GPSM1: variants seen among roughly 807,000 people sequenced by gnomAD.
GPSM1 encodes the protein G protein-signaling modulator 1.
In GPSM1, 48 loss-of-function variants were observed where a neutral mutation model predicts 70.5. The observed-to-expected ratio is 0.68, with a 90% CI of 0.54 to 0.87. The LOEUF (loss-of-function observed/expected upper bound fraction) is 0.87. Ranked by LOEUF, GPSM1 falls within the 40% of genes least tolerant of loss-of-function variation. The pLI is 0.00. For missense variants in GPSM1, 981 were observed against 972.6 expected, an observed-to-expected ratio of 1.01 and a Z score of -0.11; for synonymous variants, 416 against 430.1, an observed-to-expected ratio of 0.97 and a Z score of 0.41.
In GPSM1 at chr9:136,335,962, C is replaced by G; in HGVS notation, c.291-4C>G. The G allele has an allele frequency of 1.2e-6, 2 of 1,612,146 alleles. No individual in the cohort carries two copies. The highest frequency in any genetic ancestry group is 1.7e-6 in the Non-Finnish European group (2 of 1,179,750). ...CTGACCCCTCACTCCTCCCTGCCAT[C>G]CAGGACCATCGGTGACCGCATGGGG... is the stretch of plus-strand genomic sequence containing the variant. On this transcript the variant is annotated splice_polypyrimidine_tract_variant and splice_region_variant and intron_variant, in intron 2 of 13. Coordinates refer to ENST00000440944, the MANE Select transcript of GPSM1 (RefSeq NM_001145638.3).
Position 136,337,428 on chromosome 9 carries a change from A to G in GPSM1, c.579-13A>G, listed in dbSNP as rs376462948. 3.0e-5 allele frequency: 47 copies of G among 1,567,736 alleles called. No homozygotes were observed. In the African/African-American group the frequency reaches 5.6e-4, roughly 19 times the overall value. ...GCTGGGAGGGACACGGCTCAGAGGC[A>G]CTCGGCCCCCAGGAGGAACCTGTCC... On this transcript the variant is annotated splice_polypyrimidine_tract_variant and intron_variant, in intron 4 of 13. Coordinates refer to ENST00000440944, the MANE Select transcript of GPSM1 (RefSeq NM_001145638.3).
rs552621174 is a variant in GPSM1 at position 136,334,541 on chromosome 9, G to A, written c.163G>A (p.Val55Met). The change falls in exon 2 of 14, where the codon GTG becomes ATG. Residue 55 changes from valine to methionine, a missense_variant. Val to Met is a conservative substitution (Grantham distance 21). Coordinates refer to ENST00000440944, the MANE Select transcript of GPSM1 (RefSeq NM_001145638.3). The part of the protein sequence containing the change: ...KTGVAFFEAA[V>M]QVGTEDLKTL... Reference sequence around the variant, plus strand: ...AGGCGTGGCCTTCTTTGAGGCTGCTGTGCAGGTGGGCACCGAGGACCTGAA... The same window carrying A: ...AGGCGTGGCCTTCTTTGAGGCTGCTATGCAGGTGGGCACCGAGGACCTGAA... 6.2e-6 allele frequency: 10 copies of A among 1,613,340 alleles called. No homozygotes were observed. The East Asian group carries it at 2.2e-4, about 36-fold the overall frequency.
rs1006983550 is a variant in GPSM1 at position 136,343,399 on chromosome 9, G to A, written c.1207+2406G>A. On this transcript the variant is annotated intron_variant, in intron 9 of 13. Transcript: ENST00000440944. This position sits in a 1 kb window ranked among gnomAD's most constrained non-coding sequence, Gnocchi z 6.0. ...CGCCCCCTGCCCTTGGCCTGTCCCC[G>A]ATGGCCCTGCCTGTCCCACAGGATG... Among the ~76,000 whole-genome samples, 5 of 152,316 alleles carry A rather than the reference G, an allele frequency of 3.3e-5. No individual in the cohort carries two copies. Among genetic ancestry groups the A allele is most frequent in the East Asian group, 1.9e-4 (1 of 5,178 alleles).
intron 10 of GPSM1, 24 bp downstream of exon 10, chr9:136,348,791 T>C: frequency 6.3e-7 from 1 of 1,575,696 alleles, no homozygotes; most frequent in South Asian, 1.1e-5. Flanking sequence ...ACGGGACCGA[T>C]GTCAGCACAG....
rs1318351210 is a variant in GPSM1 at position 136,342,769 on chromosome 9, G to T, written c.1207+1776G>T. On this transcript the variant is annotated intron_variant, in intron 9 of 13. Transcript: ENST00000440944. This position sits in a 1 kb window ranked among gnomAD's most constrained non-coding sequence, Gnocchi z 5.5. ...GGATCTGCGAGCTGCGGGAGGGGAG[G>T]GGGGTGCAGAGCCGCGCTAGAGCCT... Among the ~76,000 whole-genome samples, 3 of 152,006 alleles carry T rather than the reference G, an allele frequency of 2.0e-5. No individual in the cohort carries two copies. Among genetic ancestry groups the T allele is most frequent in the Non-Finnish European group, 2.9e-5 (2 of 67,978 alleles).
In GPSM1 at chr9:136,356,411, G is replaced by A. The variant is rs782411144; in HGVS notation, c.1682G>A (p.Arg561His). 35 of 1,609,574 alleles carry A rather than the reference G, an allele frequency of 2.2e-5. No individual in the cohort carries two copies. Among genetic ancestry groups the A allele is most frequent in the Admixed American group, 1.5e-4 (9 of 59,730 alleles). Residue 561 changes from arginine (R) to histidine (H), a missense_variant, in exon 13 of 14, where the codon CGC becomes CAC. By Grantham distance (29) the Arg-to-His change is conservative (BLOSUM62 0). Coordinates refer to ENST00000440944, the MANE Select transcript of GPSM1 (RefSeq NM_001145638.3). ...GACCTCATCGCCAGCTCCCAGAGCC[G>A]CCGGCTGGACGACCAGCGGGCCAGC... Reference protein sequence around the residue: ...FFDLIASSQSRRLDDQRASVG... With the variant: ...FFDLIASSQSHRLDDQRASVG...
rs782414185 is a variant in GPSM1 at position 136,358,088 on chromosome 9, C to G, written c.1896C>G (p.Asp632Glu). ...GGGGCCCTACCATGCCGGACGAGGA[C>G]TTCTTCAGCCTCATTCAGAGGGTGC... Reference protein sequence around the residue: ...LPRGPTMPDEDFFSLIQRVQA... With the variant: ...LPRGPTMPDEEFFSLIQRVQA... Residue 632 changes from aspartate to glutamate, a missense_variant, in exon 14 of 14, where the codon GAC (aspartate) becomes GAG (glutamate). Asp to Glu is a conservative substitution (Grantham distance 45). Coordinates refer to ENST00000440944, the MANE Select transcript of GPSM1 (RefSeq NM_001145638.3). 2 of 1,612,608 alleles carry G rather than the reference C, an allele frequency of 1.2e-6. No homozygotes were observed. The highest frequency in any genetic ancestry group is 1.7e-6 in the Non-Finnish European group (2 of 1,179,802).
rs533498599 is a variant in GPSM1, at chr9:136,358,462, G to C, written c.*242G>C. ...CTTCTGCCCCTGCCGCAGGCCGGAC[G>C]GGGCCTTCGGCATGTCGGCCCCGAC... On this transcript the variant is annotated 3_prime_UTR_variant, in exon 14 of 14. Transcript: ENST00000440944. 1.4e-5 allele frequency: 8 copies of C among 558,044 alleles called. No individual in the cohort carries two copies. The African/African-American group carries it at 1.6e-4, about 11-fold the overall frequency. The allele number at this position is 558,044 out of a possible 1,614,324, so 34.6% of individuals were successfully genotyped here.
chr9:136,337,030 C>A lies in GPSM1; in HGVS notation c.536C>A (p.Pro179His), dbSNP rs782425782. 1.3e-6 allele frequency: 2 copies of A among 1,551,872 alleles called. No homozygotes were observed. Among genetic ancestry groups the A allele is most frequent in the Non-Finnish European group, 1.7e-6 (2 of 1,147,760 alleles). Residue 179 changes from proline to histidine, a missense_variant, in exon 4 of 14, where the codon CCC becomes CAC. Coordinates refer to ENST00000440944, the MANE Select transcript of GPSM1 (RefSeq NM_001145638.3). ...NATQDPGHLP[P>H]DVRETLCKAS... ...ACGCAGGACCCCGGGCACCTGCCGC[C>A]CGATGTCCGAGAGACCCTGTGCAAG... is the stretch of plus-strand genomic sequence containing the variant.
chr9:136,327,833 A>G, intron 1 of GPSM1, 70 bp downstream of exon 1: 3 of 555,984 alleles, frequency 5.4e-6, no homozygotes, highest in East Asian at 4.7e-5. Flanking sequence ...GACGCGGGGG[A>G]GGCTGCAGTT....
intron 13 of GPSM1, among the ~76,000 whole-genome samples, chr9:136,356,817 G>A (rs1013621812): frequency 1.3e-5 from 2 of 152,312 alleles, no homozygotes; most frequent in South Asian, 2.1e-4. Flanking sequence ...CCACCCCCCT[G>A]CCATGCAGGA....
intron 1 of GPSM1, 53 bp from the exon 2 acceptor site, chr9:136,334,394 C>T (rs782420788): frequency 2.8e-6 from 4 of 1,413,794 alleles, no homozygotes; most frequent in East Asian, 2.3e-5. Context: ...GGTGCTCCGG[C>T]CCCGGGGCGA....
Position 136,337,674 on chromosome 9 carries a change from G to A in GPSM1, c.702+110G>A. On this transcript the variant is annotated intron_variant, in intron 5 of 13. Transcript: ENST00000440944. ...GCAGGGTGGTATGGCCAGGCAGCAG[G>A]CCCGCCCCACCGAGTCCTGGCCTCA... is the stretch of plus-strand genomic sequence containing the variant. 3 of 1,134,414 alleles carry A rather than the reference G, an allele frequency of 2.6e-6. No individual in the cohort carries two copies. The South Asian group carries it at 4.2e-5, about 16-fold the overall frequency. 70.3% of individuals were successfully genotyped at this position (1,134,414 alleles called of 1,614,324 possible). A position where few individuals can be genotyped will look rare whatever the true frequency, so the allele number is the denominator to read the frequency against.
chr9:136,336,172 C>T (rs1442157549), intron 3 of GPSM1, 71 bp downstream of exon 3: 24 of 1,473,184 alleles, frequency 1.6e-5, no homozygotes, highest in Middle Eastern at 3.9e-4. Flanking sequence ...GGGATAGGGG[C>T]GGGCGGGTGA....
chr9:136,348,803 C>T (rs781830121), intron 10 of GPSM1, 36 bp downstream of exon 10: 50 of 1,516,864 alleles, frequency 3.3e-5, no homozygotes, highest in Middle Eastern at 1.7e-4. Context: ...TCAGCACAGC[C>T]GCTGCCAGAG....
At position 136,356,338 on chromosome 9, in the gene GPSM1, G is replaced by C. The variant is rs782776682; in HGVS notation, c.1613-4G>C. ...CCCAGGTCTCACCCTCTGGCCCCCCGCAGCCCAGCCCTCGATGACGGCCTC... is the reference window on the plus strand; with the variant it reads ...CCCAGGTCTCACCCTCTGGCCCCCCCCAGCCCAGCCCTCGATGACGGCCTC... On this transcript the variant is annotated splice_region_variant and splice_polypyrimidine_tract_variant and intron_variant, in intron 12 of 13. Coordinates refer to ENST00000440944, the MANE Select transcript of GPSM1 (RefSeq NM_001145638.3). 16 of 1,566,724 alleles carry C rather than the reference G, an allele frequency of 1.0e-5. No individual in the cohort carries two copies. In the South Asian group the frequency reaches 1.7e-4, roughly 17 times the overall value.
chr9:136,357,794 C>T (rs1264319152), intron 13 of GPSM1, among the ~76,000 whole-genome samples: 1 of 152,244 alleles, frequency 6.6e-6, no homozygotes, highest in Non-Finnish European at 1.5e-5. Context: ...CTGCCCTGGG[C>T]TCCTGCGGGT....
At chr9:136,335,451 C>T (rs1431066261) in intron 2 of GPSM1, among the ~76,000 whole-genome samples, 1 of 152,196 alleles carries the variant, frequency 6.6e-6, no homozygotes, top group Non-Finnish European at 1.5e-5. Context: ...CCCCTCAGCC[C>T]TGCAGCTGCC....
At chr9:136,356,022 G>GT (rs1355426240) in intron 12 of GPSM1, among the ~76,000 whole-genome samples, 176 bp downstream of exon 12, 15 of 152,076 alleles carry the variant, frequency 9.9e-5, no homozygotes, top group Admixed American at 9.8e-4. Context: ...CCCGGGAAGC[G>GT]TGTCATCAGC....
Sources: allele counts gnomAD v4.1 joint callset (sites outside exome capture counted in the v4.1 genomes callset), GRCh38; gene constraint gnomAD v4.1.1; non-coding constraint Gnocchi (gnomAD v3.1); transcripts MANE v1.5; gene names NCBI Gene and HGNC (gene_info 2026-07-23, HGNC 2026-07-21).